The following RESF1 variants were observed in gnomAD, a reference collection of about 807,000 sequenced individuals.
RESF1 encodes the protein gonad expressed transcript.
RESF1 carries 65 observed loss-of-function variants against 134.7 expected under a neutral mutation model. The observed-to-expected ratio is 0.48, with a 90% CI of 0.40 to 0.59. The LOEUF is 0.59. RESF1 is among the 20% of genes least tolerant of loss of function. The probability of loss-of-function intolerance (pLI) is 0.00; values close to 1 mark genes in which losing one functional copy is unlikely to be tolerated. For synonymous variants in RESF1, 762 were observed against 702.2 expected (o/e 1.09, Z -1.35); for missense variants, 2,274 against 2,002.7 (o/e 1.14, Z -2.59).
In RESF1 at chr12:31,985,824, GA is replaced by G; in HGVS notation, c.4872del (p.Gly1625ValfsTer19). ...ATAAACATAAGACCTTTTTACCGGT[GA>G]AAGGTAACACAGAAAAATCAAACAT... ...ENKHKTFLPV[K>X]GNTEKSNMLE... On this transcript the variant is annotated frameshift_variant, in exon 4 of 6. Coordinates refer to ENST00000312561, the MANE Select transcript of RESF1 (RefSeq NM_018169.4). LOFTEE classifies it high-confidence loss of function. 1 of 1,566,402 alleles carries G rather than the reference GA, an allele frequency of 6.4e-7. No individual in the cohort carries two copies. The highest frequency in any genetic ancestry group is 8.6e-7 in the Non-Finnish European group (1 of 1,164,290).
chr12:31,985,434 A>G lies in RESF1; in HGVS notation c.4479A>G (p.Lys1493=). The stretch of plus-strand genomic sequence containing the variant: ...CCGTGCAGGTTGAAAGTTGTGGGAA[A>G]TCAAATGAGAAACACAGCAGCGGCG... The part of the protein sequence containing the change: ...KLAVQVESCG[K]SNEKHSSGVQ... Residue 1493 remains lysine (K), a synonymous_variant, in exon 4 of 6, where the codon AAA becomes AAG. Coordinates refer to ENST00000312561, the MANE Select transcript of RESF1 (RefSeq NM_018169.4). The G allele has an allele frequency of 1.2e-6, 2 of 1,606,720 alleles. No individual in the cohort carries two copies. The highest frequency in any genetic ancestry group is 1.1e-5 in the South Asian group (1 of 89,384).
rs1446323060 is a variant in RESF1, at chr12:31,992,443, C to T, written c.5152C>T (p.Pro1718Ser). 1.9e-6 allele frequency: 3 copies of T among 1,613,674 alleles called. No homozygotes were observed. Among genetic ancestry groups the T allele is most frequent in the Non-Finnish European group, 2.5e-6 (3 of 1,179,758 alleles). The part of the protein sequence containing the change: ...SADGFEMLQN[P>S]VKDSKEMFQT... ...AGATGGATTTGAGATGCTACAAAACCCAGTAAAAGATTCAAAAGAAATGTT... is the reference window on the plus strand; with the variant it reads ...AGATGGATTTGAGATGCTACAAAACTCAGTAAAAGATTCAAAAGAAATGTT... The change falls in exon 6 of 6, where the codon CCA becomes TCA. Residue 1718 changes from proline to serine, a missense_variant. Transcript: ENST00000312561.
At chr12:31,967,988 A>G (rs1174472697) in intron 2 of RESF1, among the ~76,000 whole-genome samples, 1 of 152,222 alleles carries the variant, frequency 6.6e-6, no homozygotes, top group Non-Finnish European at 1.5e-5. Flanking sequence ...ACAGAAAGCC[A>G]GAGCTAGTAC....
chr12:31,985,164 T>C lies in RESF1; in HGVS notation c.4209T>C (p.Ala1403=). 6.4e-7 allele frequency: 1 copy of C among 1,557,628 alleles called. No individual in the cohort carries two copies. Among genetic ancestry groups the C allele is most frequent in the Non-Finnish European group, 8.6e-7 (1 of 1,160,108 alleles). The change falls in exon 4 of 6, where the codon GCT becomes GCC. Residue 1403 remains alanine (A), a synonymous_variant. Coordinates refer to ENST00000312561, the MANE Select transcript of RESF1 (RefSeq NM_018169.4). ...AAGAACAGAAAGGAAGTGTGGGAGCTACATTCAAATTAGGTGACTCTTTGT... is the reference window on the plus strand; with the variant it reads ...AAGAACAGAAAGGAAGTGTGGGAGCCACATTCAAATTAGGTGACTCTTTGT... ...DKQEQKGSVG[A]TFKLGDSLSN...
chr12:31,961,127 A>G (rs1473644572), intron 2 of RESF1, among the ~76,000 whole-genome samples: 1 of 152,210 alleles, frequency 6.6e-6, no homozygotes, highest in African/African-American at 2.4e-5. Flanking sequence ...TTGTGGTGGA[A>G]GTTACCTGGG....
rs945644478 is a variant in RESF1 at position 31,981,174 on chromosome 12, T to A, written c.219T>A (p.Ile73=). The change falls in exon 4 of 6, where the codon ATT becomes ATA. Residue 73 remains isoleucine, a synonymous_variant. Coordinates refer to ENST00000312561, the MANE Select transcript of RESF1 (RefSeq NM_018169.4). ...ATATCCAAAATTATCCTCAACAAAT[T>A]TCTGTTTCTGATATGCATAATGGGA... ...LLNIQNYPQQ[I]SVSDMHNGTV... is the part of the protein sequence containing the mutation. 6 of 1,613,906 alleles carry A rather than the reference T, an allele frequency of 3.7e-6. No individual in the cohort carries two copies. In the African/African-American group the frequency reaches 8.0e-5, roughly 22 times the overall value.
chr12:31,986,777 G>C (rs145570780), intron 4 of RESF1, among the ~76,000 whole-genome samples: 253 of 152,312 alleles, frequency 1.7e-3, no homozygotes, highest in African/African-American at 5.8e-3. Flanking sequence ...CTGCTTTTCT[G>C]ACTATATTTG....
At chr12:31,987,706 G>A (rs895632753) in intron 5 of RESF1, among the ~76,000 whole-genome samples, 4 of 146,990 alleles carry the variant, frequency 2.7e-5, no homozygotes, top group Non-Finnish European at 3.0e-5. Flanking sequence ...AGTATCAGCT[G>A]TGTTCTGATT....
intron 5 of RESF1, among the ~76,000 whole-genome samples, chr12:31,989,650 G>T (rs970454217): frequency 6.6e-6 from 1 of 152,090 alleles, no homozygotes; most frequent in Non-Finnish European, 1.5e-5. Context: ...TCAGAGGTTC[G>T]AGACCAGCCT....
chr12:31,991,733 T>G (rs1940096327), intron 5 of RESF1, among the ~76,000 whole-genome samples: 1 of 152,196 alleles, frequency 6.6e-6, no homozygotes, highest in Non-Finnish European at 1.5e-5. Flanking sequence ...GTATTTTTAG[T>G]CAAAACAGGG....
chr12:31,976,916 TTTAA>T (rs1201120709), intron 3 of RESF1, among the ~76,000 whole-genome samples: 3 of 152,186 alleles, frequency 2.0e-5, no homozygotes, highest in Admixed American at 6.5e-5. Flanking sequence ...TCATACAGTG[TTTAA>T]TTAAGCTTCA....
chr12:31,991,264 A>G (rs1940088095), intron 5 of RESF1, among the ~76,000 whole-genome samples: 1 of 152,062 alleles, frequency 6.6e-6, no homozygotes, highest in Non-Finnish European at 1.5e-5. Flanking sequence ...AGCAAACTTG[A>G]AGTCCTAAGT....
chr12:31,983,143 A>T lies in RESF1; in HGVS notation c.2188A>T (p.Ser730Cys). 1.2e-6 allele frequency: 2 copies of T among 1,611,680 alleles called. No individual in the cohort carries two copies. Among genetic ancestry groups the T allele is most frequent in the Non-Finnish European group, 1.7e-6 (2 of 1,179,118 alleles). ...VGNSNSQNKI[S>C]NPSQQTALSM... is the part of the protein sequence containing the mutation. ...AAATTCAAATTCTCAGAATAAAATA[A>T]GTAATCCCTCACAGCAGACAGCTTT... Residue 730 changes from serine to cysteine, a missense_variant, in exon 4 of 6, where the codon AGT becomes TGT. Ser to Cys is a moderately radical substitution (Grantham distance 112). Coordinates refer to ENST00000312561, the MANE Select transcript of RESF1 (RefSeq NM_018169.4).
At chr12:31,991,404 A>C (rs1200406483) in intron 5 of RESF1, among the ~76,000 whole-genome samples, 1 of 152,238 alleles carries the variant, frequency 6.6e-6, no homozygotes, top group African/African-American at 2.4e-5. Context: ...GCAGATCTAA[A>C]GAACTAACAG....
chr12:31,992,714 G>T lies in RESF1; in HGVS notation c.*179G>T. 1 of 636,664 alleles carries T rather than the reference G, an allele frequency of 1.6e-6. No homozygotes were observed. Among genetic ancestry groups the T allele is most frequent in the Non-Finnish European group, 2.8e-6 (1 of 362,764 alleles). The allele number at this position is 636,664 out of a possible 1,614,324, so 39.4% of individuals were successfully genotyped here. A position where few individuals can be genotyped will look rare whatever the true frequency, so the allele number is the denominator to read the frequency against. ...TGGCTTGAGAACTTTGGGTAGCCAT[G>T]TGTAAGAAATGGATGGTATTCACCG... On this transcript the variant is annotated 3_prime_UTR_variant, in exon 6 of 6. Coordinates refer to ENST00000312561, the MANE Select transcript of RESF1 (RefSeq NM_018169.4).
chr12:31,981,170 A>C lies in RESF1; in HGVS notation c.215A>C (p.Gln72Pro). The change falls in exon 4 of 6, where the codon CAA (glutamine) becomes CCA (proline). Residue 72 changes from glutamine (Q) to proline (P), a missense_variant. Transcript: ENST00000312561. ...PLLNIQNYPQQISVSDMHNGT... is the reference protein window; with the variant it reads ...PLLNIQNYPQPISVSDMHNGT... ...CTGAATATCCAAAATTATCCTCAAC[A>C]AATTTCTGTTTCTGATATGCATAAT... 6.2e-7 allele frequency: 1 copy of C among 1,614,064 alleles called. No homozygotes were observed. The highest frequency in any genetic ancestry group is 8.5e-7 in the Non-Finnish European group (1 of 1,179,944).
At chr12:31,986,844 G>A (rs1011486162) in intron 4 of RESF1, among the ~76,000 whole-genome samples, 5 of 152,174 alleles carry the variant, frequency 3.3e-5, no homozygotes, top group African/African-American at 1.2e-4. Flanking sequence ...AAAGAAGATA[G>A]GGATATATTC....
At chr12:31,959,925 T>C (rs1939217882) in intron 1 of RESF1, 1 of 152,142 alleles carries the variant, frequency 6.6e-6, no homozygotes, top group African/African-American at 2.4e-5. Context: ...TGCTTATGTT[T>C]TTAAGGCTTT....
chr12:31,975,060 G>A (rs1169356712), intron 3 of RESF1, among the ~76,000 whole-genome samples: 1 of 151,834 alleles, frequency 6.6e-6, no homozygotes, highest in Non-Finnish European at 1.5e-5. Flanking sequence ...AGATCATGAG[G>A]TCAGGAGTTT....
Sources: allele counts gnomAD v4.1 joint callset (sites outside exome capture counted in the v4.1 genomes callset), GRCh38; gene constraint gnomAD v4.1.1; transcripts MANE v1.5; gene names NCBI Gene and HGNC (gene_info 2026-07-23, HGNC 2026-07-21).